PTPN4: variants seen among roughly 807,000 people sequenced by gnomAD.
The protein encoded by PTPN4 is protein tyrosine phosphatase non-receptor type 4, also known as tyrosine-protein phosphatase non-receptor type 4.
Under a neutral mutation model 135.5 loss-of-function variants are expected in PTPN4, and 49 were observed. The observed-to-expected ratio is 0.36, with a 90% CI of 0.29 to 0.46. The LOEUF (loss-of-function observed/expected upper bound fraction) is 0.46, where lower values mean the gene tolerates loss of function less well. Among genes scored for constraint, PTPN4 ranks in the 20% least tolerant of loss-of-function variants. The pLI is 1.00. For missense variants in PTPN4, 860 were observed against 1,101.0 expected (o/e 0.78, Z 3.10); for synonymous variants, 333 against 369.9 (o/e 0.90, Z 1.14).
chr2:119,845,559 A>G (rs1677484963), intron 2 of PTPN4, among the ~76,000 whole-genome samples: 1 of 152,110 alleles, frequency 6.6e-6, no homozygotes, highest in South Asian at 2.1e-4. Flanking sequence ...TAACTTCAGT[A>G]TTAATGTACC....
chr2:119,928,023 T>C (rs1194090435), intron 13 of PTPN4, among the ~76,000 whole-genome samples: 3 of 152,180 alleles, frequency 2.0e-5, no homozygotes, highest in Non-Finnish European at 4.4e-5. Flanking sequence ...CCAAGACAAC[T>C]TTTTAAAAAA....
At chr2:119,875,793 A>G (rs2104997117) in intron 3 of PTPN4, among the ~76,000 whole-genome samples, 1 of 152,328 alleles carries the variant, frequency 6.6e-6, no homozygotes. Flanking sequence ...CTGACTCTAC[A>G]GTATTGACTG....
chr2:119,941,440 T>C (rs1225815989), intron 15 of PTPN4, among the ~76,000 whole-genome samples: 1 of 151,860 alleles, frequency 6.6e-6, no homozygotes, highest in Non-Finnish European at 1.5e-5. Flanking sequence ...TGTGTGTGTA[T>C]AGAGTTTGGT....
intron 10 of PTPN4, among the ~76,000 whole-genome samples, chr2:119,905,663 A>T (rs967633848): frequency 2.6e-5 from 4 of 152,228 alleles, no homozygotes; most frequent in Non-Finnish European, 5.9e-5. Context: ...CAGAATATGC[A>T]TTCTTCACCT....
chr2:119,956,753 G>T, intron 20 of PTPN4, 91 bp from the exon 21 acceptor site: 1 of 1,565,386 alleles, frequency 6.4e-7, no homozygotes, highest in Non-Finnish European at 8.6e-7. Flanking sequence ...AAAGAAACCT[G>T]TTTCCTGTTA....
intron 2 of PTPN4, among the ~76,000 whole-genome samples, chr2:119,816,952 C>G (rs1321056815): frequency 6.6e-6 from 1 of 152,198 alleles, no homozygotes; most frequent in Non-Finnish European, 1.5e-5. Flanking sequence ...AAAGTTGATT[C>G]ACCTGGTTTA....
intron 2 of PTPN4, among the ~76,000 whole-genome samples, chr2:119,827,400 G>T (rs1446957954): frequency 6.6e-6 from 1 of 152,154 alleles, no homozygotes; most frequent in African/African-American, 2.4e-5. Flanking sequence ...GTGTGCATCA[G>T]CATTACATGA....
intron 2 of PTPN4, among the ~76,000 whole-genome samples, chr2:119,830,354 C>T (rs1172461318): frequency 6.6e-6 from 1 of 152,064 alleles, no homozygotes; most frequent in Admixed American, 6.6e-5. Flanking sequence ...GAGGTGGGGC[C>T]TGGTGGGAGG....
intron 2 of PTPN4, among the ~76,000 whole-genome samples, chr2:119,823,231 G>A (rs928472035): frequency 6.1e-5 from 9 of 148,192 alleles, no homozygotes; most frequent in African/African-American, 2.2e-4. Flanking sequence ...TACTTCATCT[G>A]TTTCTTTTTT....
At chr2:119,925,644 G>T (rs972234990) in intron 12 of PTPN4, among the ~76,000 whole-genome samples, 13 of 152,306 alleles carry the variant, frequency 8.5e-5, no homozygotes, top group Non-Finnish European at 7.4e-5. Context: ...TCCCTAATGA[G>T]TATGCACTAA....
At chr2:119,943,180 C>G (rs188737530) in intron 15 of PTPN4, among the ~76,000 whole-genome samples, 4 of 152,302 alleles carry the variant, frequency 2.6e-5, no homozygotes, top group African/African-American at 9.6e-5. Context: ...ACCATACAAT[C>G]ACATCATTCA....
At chr2:119,794,599 GA>G (rs1413736129) in intron 1 of PTPN4, among the ~76,000 whole-genome samples, 1 of 152,236 alleles carries the variant, frequency 6.6e-6, no homozygotes, top group Non-Finnish European at 1.5e-5. Context: ...GAAGCTTGGA[GA>G]TGCCAGAAAT....
At chr2:119,836,574 C>T (rs566504526) in intron 2 of PTPN4, among the ~76,000 whole-genome samples, 1 of 152,360 alleles carries the variant, frequency 6.6e-6, no homozygotes, top group Admixed American at 6.5e-5. Context: ...AGCCCTGCCC[C>T]CTTTCCAAGT....
intron 26 of PTPN4, among the ~76,000 whole-genome samples, chr2:119,969,138 C>G (rs143880947): frequency 3.5e-4 from 53 of 152,082 alleles, no homozygotes; most frequent in African/African-American, 1.3e-3. Flanking sequence ...ATCCTCCCAC[C>G]TCAGCTGGGA....
At chr2:119,855,205 C>G (rs1677658991) in intron 2 of PTPN4, among the ~76,000 whole-genome samples, 1 of 152,140 alleles carries the variant, frequency 6.6e-6, no homozygotes, top group African/African-American at 2.4e-5. Context: ...GTTAAATCTC[C>G]ATACAAGGGC....
Position 119,981,954 on chromosome 2 carries a change from G to A in PTPN4, c.*4884G>A, listed in dbSNP as rs912067451. The A allele has an allele frequency of 6.6e-6, 1 of 152,092 alleles. No homozygotes were observed. The highest frequency in any genetic ancestry group is 1.5e-5 in the Non-Finnish European group (1 of 67,988). 9.4% of individuals were successfully genotyped at this position (152,092 alleles called of 1,614,324 possible). On this transcript the variant is annotated 3_prime_UTR_variant, in exon 27 of 27. Coordinates refer to ENST00000263708, the MANE Select transcript of PTPN4 (RefSeq NM_002830.4). Reference sequence around the variant, plus strand: ...TATTTTAGTAATCCAAGCTAAATGGGCAACCAGAAGTAATATCTGCTAGGG... The same window carrying A: ...TATTTTAGTAATCCAAGCTAAATGGACAACCAGAAGTAATATCTGCTAGGG...
At chr2:119,886,846 T>C (rs765170253) in intron 9 of PTPN4, among the ~76,000 whole-genome samples, 4 of 152,222 alleles carry the variant, frequency 2.6e-5, no homozygotes, top group Non-Finnish European at 4.4e-5. Flanking sequence ...ACAAAGCTTA[T>C]GTCAATCTTT....
intron 12 of PTPN4, among the ~76,000 whole-genome samples, chr2:119,921,918 T>C (rs1678742324): frequency 6.6e-6 from 1 of 152,162 alleles, no homozygotes; most frequent in South Asian, 2.1e-4. Flanking sequence ...TCAAATTCTT[T>C]TTTCTCCTCT....
At chr2:119,861,671 T>C (rs1471923319) in intron 2 of PTPN4, among the ~76,000 whole-genome samples, 1 of 152,218 alleles carries the variant, frequency 6.6e-6, no homozygotes, top group African/African-American at 2.4e-5. Flanking sequence ...TGTTTGCCCA[T>C]GGCATGTCAT....
Sources: allele counts gnomAD v4.1 joint callset (sites outside exome capture counted in the v4.1 genomes callset), GRCh38; gene constraint gnomAD v4.1.1; transcripts MANE v1.5; gene names NCBI Gene and HGNC (gene_info 2026-07-23, HGNC 2026-07-21).